Variants in RAD51B observed in about 807,000 individuals in gnomAD.
The protein encoded by RAD51B is RAD51 paralog B, also known as DNA repair protein RAD51 homolog 2.
Under a neutral mutation model 42.2 loss-of-function variants are expected in RAD51B, and 38 were observed. The ratio of observed to expected loss-of-function variants is 0.90; its 90% CI spans 0.70 to 1.18. The LOEUF (loss-of-function observed/expected upper bound fraction) is 1.18, where lower values mean the gene tolerates loss of function less well. Among genes scored for constraint, RAD51B ranks in the 50% most tolerant of loss-of-function variants. RAD51B has a pLI of 0.00. For missense variants in RAD51B, 373 were observed against 400.7 expected (o/e 0.93, Z 0.59); for synonymous variants, 154 against 145.2 (o/e 1.06, Z -0.43).
intron 10 of RAD51B, among the ~76,000 whole-genome samples, chr14:68,591,464 A>G (rs928097881): frequency 7.9e-5 from 12 of 152,270 alleles, no homozygotes; most frequent in South Asian, 2.1e-4. Context: ...CACACCCCCA[A>G]TGTGGATGCT....
intron 9 of RAD51B, among the ~76,000 whole-genome samples, chr14:68,431,684 G>C (rs2085011718): frequency 6.6e-6 from 1 of 151,782 alleles, no homozygotes. Context: ...CAATTTTGTT[G>C]ATCTTTTCAA....
chr14:67,902,990 C>G (rs544006026), intron 7 of RAD51B, among the ~76,000 whole-genome samples: 2 of 152,144 alleles, frequency 1.3e-5, no homozygotes, highest in East Asian at 1.9e-4. Flanking sequence ...GCTGGGATTA[C>G]AGGCTCCCAC....
At chr14:68,543,741 C>CA (rs1888083536) in intron 10 of RAD51B, among the ~76,000 whole-genome samples, 2 of 152,162 alleles carry the variant, frequency 1.3e-5, no homozygotes, top group Admixed American at 6.5e-5. Flanking sequence ...CTGGGGCCAA[C>CA]CACTCCCTAC....
intron 7 of RAD51B, among the ~76,000 whole-genome samples, chr14:68,010,553 G>C (rs1001510313): frequency 6.6e-6 from 1 of 151,600 alleles, no homozygotes; most frequent in African/African-American, 2.4e-5. Flanking sequence ...AATGGATTCT[G>C]TTTTGTTAAT....
At chr14:68,287,925 C>G (rs184162266) in intron 7 of RAD51B, among the ~76,000 whole-genome samples, 5 of 152,170 alleles carry the variant, frequency 3.3e-5, no homozygotes, top group African/African-American at 1.2e-4. Context: ...GACTATGAAG[C>G]TTGCTCCATG....
intron 4 of RAD51B, among the ~76,000 whole-genome samples, chr14:67,842,117 G>A (rs181767783): frequency 3.0e-4 from 45 of 152,218 alleles, no homozygotes; most frequent in African/African-American, 1.0e-3. Context: ...TTGGTTAGAT[G>A]TATTCCTAGA....
At chr14:68,434,073 CA>C (rs2085084064) in intron 9 of RAD51B, among the ~76,000 whole-genome samples, 1 of 152,224 alleles carries the variant, frequency 6.6e-6, no homozygotes, top group Admixed American at 6.5e-5. Flanking sequence ...TGCTAAACAG[CA>C]AATGTTGCTG....
chr14:68,384,963 G>A (rs969859935), intron 8 of RAD51B, among the ~76,000 whole-genome samples: 3 of 152,152 alleles, frequency 2.0e-5, no homozygotes, highest in African/African-American at 4.8e-5. Context: ...TGGGATGAAC[G>A]GAAAGGGCTG....
intron 7 of RAD51B, among the ~76,000 whole-genome samples, chr14:67,949,089 G>C (rs1433184374): frequency 6.6e-6 from 1 of 152,026 alleles, no homozygotes; most frequent in African/African-American, 2.4e-5. Context: ...TGACTGATCA[G>C]GGTCGTGGTT....
chr14:68,277,270 A>G (rs1246157835), intron 7 of RAD51B, among the ~76,000 whole-genome samples: 2 of 152,218 alleles, frequency 1.3e-5, no homozygotes, highest in East Asian at 3.8e-4. Context: ...GCTATTATTA[A>G]TAGTCAAACC....
chr14:68,526,660 A>G (rs1308242784), intron 10 of RAD51B, among the ~76,000 whole-genome samples: 1 of 152,132 alleles, frequency 6.6e-6, no homozygotes, highest in African/African-American at 2.4e-5. Context: ...TTGCTGACTC[A>G]CGCCCACTGG....
chr14:68,217,633 G>A (rs1271850963), intron 7 of RAD51B, among the ~76,000 whole-genome samples: 3 of 152,150 alleles, frequency 2.0e-5, no homozygotes, highest in Non-Finnish European at 2.9e-5. Context: ...TACAGTCCCT[G>A]TCCCAGAGTG....
At chr14:68,234,924 A>G (rs1005484149) in intron 7 of RAD51B, among the ~76,000 whole-genome samples, 1 of 152,218 alleles carries the variant, frequency 6.6e-6, no homozygotes, top group Non-Finnish European at 1.5e-5. Context: ...CTTTTGTAGT[A>G]AAACTTAAAT....
intron 7 of RAD51B, among the ~76,000 whole-genome samples, chr14:67,987,954 G>A (rs972288187): frequency 6.6e-6 from 1 of 152,116 alleles, no homozygotes; most frequent in African/African-American, 2.4e-5. Context: ...TTTATTCTTG[G>A]TTCTTTCTTT....
chr14:68,430,783 C>A (rs1180470589), intron 9 of RAD51B, among the ~76,000 whole-genome samples: 1 of 152,052 alleles, frequency 6.6e-6, no homozygotes, highest in Non-Finnish European at 1.5e-5. Flanking sequence ...ACTTCCAACA[C>A]TATGTTGAAT....
At chr14:68,620,853 C>T (rs1017616963) in intron 10 of RAD51B, among the ~76,000 whole-genome samples, 2 of 152,270 alleles carry the variant, frequency 1.3e-5, no homozygotes, top group East Asian at 1.9e-4. Flanking sequence ...AGTGGCAGCT[C>T]GGGAGTTTCT....
intron 7 of RAD51B, among the ~76,000 whole-genome samples, chr14:67,947,264 G>T (rs1313507961): frequency 1.3e-5 from 2 of 152,218 alleles, no homozygotes; most frequent in Non-Finnish European, 2.9e-5. Context: ...AGGTCCAGTT[G>T]ATTAGCTTCT....
intron 7 of RAD51B, among the ~76,000 whole-genome samples, chr14:68,204,597 G>C (rs150591767): frequency 6.6e-6 from 1 of 152,320 alleles, no homozygotes; most frequent in East Asian, 1.9e-4. Context: ...CCTTCAATTT[G>C]TAAAAGTTGA....
chr14:68,536,797 CCCAGCCAGTCGCAG>C, intron 10 of RAD51B, among the ~76,000 whole-genome samples: 1 of 152,068 alleles, frequency 6.6e-6, no homozygotes, highest in Admixed American at 6.5e-5. Flanking sequence ...AAAATTGAGA[CCCAGCCAGTCGCAG>C]TGGCTCATGC....
Sources: gnomAD v4.1 joint callset for allele counts (sites outside exome capture counted in the v4.1 genomes callset) on GRCh38, gnomAD v4.1.1 for gene constraint, MANE v1.5 for transcripts, NCBI Gene and HGNC (gene_info 2026-07-23, HGNC 2026-07-21) for gene names.